Variants in IQCH observed in about 807,000 individuals in gnomAD.
IQCH encodes IQ motif containing H, also known as IQ domain-containing protein H.
In IQCH, 98 loss-of-function variants were observed where a neutral mutation model predicts 117.0. The observed-to-expected ratio is 0.84, with a 90% CI of 0.71 to 0.99. IQCH has a LOEUF of 0.99. Among genes scored for constraint, IQCH ranks in the 50% least tolerant of loss-of-function variants. IQCH has a pLI of 0.00. For missense variants in IQCH, 1,102 were observed against 1,243.8 expected (o/e 0.89, Z 1.72); for synonymous variants, 412 against 448.2 (o/e 0.92, Z 1.02).
chr15:67,411,621 ATGTGTGTC>A lies in IQCH; in HGVS notation c.2098-5306_2098-5299del, dbSNP rs55668496. 0.045 allele frequency among the ~76,000 whole-genome samples: 6,776 copies of A among 152,122 alleles called. 249 individuals carry two copies. Among genetic ancestry groups the A allele is most frequent in the South Asian group, 0.18 (842 of 4,806 alleles). On this transcript the variant is annotated intron_variant, in intron 14 of 20. Transcript: ENST00000335894. The surrounding 1 kb of genome is among the most constrained non-coding windows in gnomAD (Gnocchi z 4.4). The stretch of plus-strand genomic sequence containing the variant: ...ATTGGCACATGACCCAATTACACCA[ATGTGTGTC>A]TGTATGTGTGTATGTGTGTGTAATA...
At chr15:67,434,612 A>G (rs992895219) in intron 16 of IQCH, among the ~76,000 whole-genome samples, 1 of 152,078 alleles carries the variant, frequency 6.6e-6, no homozygotes, top group African/African-American at 2.4e-5. Context: ...TTGGCTACGC[A>G]CTCAGAAGTG....
At chr15:67,257,101 A>T (rs941354754) in intron 1 of IQCH, among the ~76,000 whole-genome samples, 1 of 152,212 alleles carries the variant, frequency 6.6e-6, no homozygotes, top group Non-Finnish European at 1.5e-5. Flanking sequence ...AGGGAGTCAG[A>T]ATACTGAGAT....
At chr15:67,402,337 G>A (rs1271745958) in intron 14 of IQCH, among the ~76,000 whole-genome samples, 1 of 152,302 alleles carries the variant, frequency 6.6e-6, no homozygotes, top group Non-Finnish European at 1.5e-5. Context: ...AAGTAGTTCT[G>A]AAAAGGTGCC....
In IQCH at chr15:67,427,617, C is replaced by T. The variant is rs543507579; in HGVS notation, c.2505+6040C>T. ...ATGAGGAGGTTAGCTTATTTTGCAT[C>T]TGAGGTAACCTACAGTTCAAAACAG... On this transcript the variant is annotated intron_variant, in intron 16 of 20. Coordinates refer to ENST00000335894, the MANE Select transcript of IQCH (RefSeq NM_001031715.3). The surrounding 1 kb of genome is among the most constrained non-coding windows in gnomAD (Gnocchi z 4.7). 5.9e-5 allele frequency among the ~76,000 whole-genome samples: 9 copies of T among 152,216 alleles called. 1 individual carries two copies. The South Asian group carries it at 1.9e-3, about 32-fold the overall frequency.
rs1195659785 is a variant in IQCH at position 67,387,468 on chromosome 15, TA to T, written c.1457-1362del. Among the ~76,000 whole-genome samples the T allele has an allele frequency of 1.3e-5, 2 of 152,100 alleles. No homozygotes were observed. Among genetic ancestry groups the T allele is most frequent in the East Asian group, 3.9e-4 (2 of 5,190 alleles). Reference sequence around the variant, plus strand: ...CCAGGGCTTAGGGGAATATAAGAAATAGTACAAACATTGCCTTTAAGGAGCT... The same window carrying T: ...CCAGGGCTTAGGGGAATATAAGAAATGTACAAACATTGCCTTTAAGGAGCT... On this transcript the variant is annotated intron_variant, in intron 11 of 20. Coordinates refer to ENST00000335894, the MANE Select transcript of IQCH (RefSeq NM_001031715.3). The surrounding 1 kb of genome is among the most constrained non-coding windows in gnomAD (Gnocchi z 4.8).
intron 4 of IQCH, among the ~76,000 whole-genome samples, chr15:67,316,068 G>A (rs956617605): frequency 2.0e-5 from 3 of 152,086 alleles, no homozygotes; most frequent in Non-Finnish European, 2.9e-5. Context: ...GCCCAGATAC[G>A]TCTAATGGTT....
Position 67,447,542 on chromosome 15 carries a change from T to G in IQCH, c.2506-17585T>G, listed in dbSNP as rs1177309111. Among the ~76,000 whole-genome samples the G allele has an allele frequency of 6.6e-6, 1 of 152,184 alleles. No homozygotes were observed. The highest frequency in any genetic ancestry group is 2.4e-5 in the African/African-American group (1 of 41,446). Reference sequence around the variant, plus strand: ...AATTAGTCAGGATGTATTGGATTACTGGGTTAACTTGATGGGGTTGAGGGA... The same window carrying G: ...AATTAGTCAGGATGTATTGGATTACGGGGTTAACTTGATGGGGTTGAGGGA... On this transcript the variant is annotated intron_variant, in intron 16 of 20. Transcript: ENST00000335894. The surrounding 1 kb of genome is among the most constrained non-coding windows in gnomAD (Gnocchi z 5.3).
intron 6 of IQCH, among the ~76,000 whole-genome samples, chr15:67,351,312 C>T (rs955333845): frequency 1.3e-4 from 19 of 151,880 alleles, no homozygotes; most frequent in African/African-American, 4.6e-4. Flanking sequence ...CATTGTTCAG[C>T]TCCCATTTAT....
In IQCH at chr15:67,366,890, T is replaced by C. The variant is rs1352378189; in HGVS notation, c.754-5221T>C. ...TAGAAAGAGTTTTCTATCTGAAAAA[T>C]AGAATACGAAAAAAATCCCCCAGGT... On this transcript the variant is annotated intron_variant, in intron 8 of 20. Transcript: ENST00000335894. The surrounding 1 kb of genome is among the most constrained non-coding windows in gnomAD (Gnocchi z 4.4). Among the ~76,000 whole-genome samples the C allele has an allele frequency of 2.0e-5, 3 of 152,106 alleles. No individual in the cohort carries two copies. Among genetic ancestry groups the C allele is most frequent in the Non-Finnish European group, 4.4e-5 (3 of 67,986 alleles).
rs1487736700 is a variant in IQCH, at chr15:67,393,811, C to G, written c.1633-1480C>G. Among the ~76,000 whole-genome samples the G allele has an allele frequency of 2.6e-5, 4 of 152,100 alleles. No individual in the cohort carries two copies. The highest frequency in any genetic ancestry group is 5.9e-5 in the Non-Finnish European group (4 of 68,008). On this transcript the variant is annotated intron_variant, in intron 12 of 20. Coordinates refer to ENST00000335894, the MANE Select transcript of IQCH (RefSeq NM_001031715.3). This position sits in a 1 kb window ranked among gnomAD's most constrained non-coding sequence, Gnocchi z 5.5. ...GGATTACAGGTATGAGCCACGGTGC[C>G]TAGCCTGACTTTATTTTTAAGAGGG...
chr15:67,258,531 C>CA (rs63140861), intron 1 of IQCH, among the ~76,000 whole-genome samples: 134,503 of 137,538 alleles, frequency 0.98, 65,769 homozygotes, highest in South Asian at 0.99. Flanking sequence ...GACTTCATCT[C>CA]AAAAAAAAAA....
At position 67,279,409 on chromosome 15, in the gene IQCH, T is replaced by C. The variant is rs773132185; in HGVS notation, c.284T>C (p.Val95Ala). ...TTCTTACTTAGGTTACTTCCAACTG[T>C]AATTGATCAGAAATCATTTATTTTC... The part of the protein sequence containing the change: ...PQASKWLLPT[V>A]IDQKSFIFPQ... Residue 95 changes from valine to alanine, a missense_variant, in exon 4 of 21, where the codon GTA becomes GCA. Transcript: ENST00000335894. The C allele has an allele frequency of 1.2e-5, 19 of 1,593,046 alleles. No individual in the cohort carries two copies. The highest frequency in any genetic ancestry group is 1.6e-5 in the Non-Finnish European group (19 of 1,163,156).
intron 1 of IQCH, among the ~76,000 whole-genome samples, chr15:67,258,750 T>A (rs1397304306): frequency 6.6e-6 from 1 of 152,200 alleles, no homozygotes; most frequent in Non-Finnish European, 1.5e-5. Context: ...AAAATAATAA[T>A]CTTTCTCCAA....
At chr15:67,290,416 C>T (rs866464789) in intron 4 of IQCH, among the ~76,000 whole-genome samples, 2 of 152,006 alleles carry the variant, frequency 1.3e-5, no homozygotes, top group Non-Finnish European at 2.9e-5. Context: ...ATTTTAAGCA[C>T]CTCTGGTACT....
chr15:67,298,464 A>G (rs1178553007), intron 4 of IQCH, among the ~76,000 whole-genome samples: 8 of 152,200 alleles, frequency 5.3e-5, no homozygotes, highest in South Asian at 4.1e-4. Context: ...AAAGACAGGC[A>G]ATAACAAATG....
chr15:67,330,741 CTG>C (rs1222409106), intron 4 of IQCH, among the ~76,000 whole-genome samples: 2 of 152,208 alleles, frequency 1.3e-5, no homozygotes, highest in Admixed American at 6.5e-5. Context: ...AATTGATAAA[CTG>C]TATGCTTTGG....
chr15:67,313,911 G>C (rs1317439370), intron 4 of IQCH, among the ~76,000 whole-genome samples: 1 of 152,112 alleles, frequency 6.6e-6, no homozygotes, highest in Non-Finnish European at 1.5e-5. Context: ...TAAAGCAATA[G>C]TACTTTTTTG....
intron 4 of IQCH, among the ~76,000 whole-genome samples, chr15:67,303,036 TCA>T (rs1477020692): frequency 2.0e-5 from 3 of 152,216 alleles, no homozygotes; most frequent in Non-Finnish European, 2.9e-5. Flanking sequence ...AATGCTTATG[TCA>T]AAGAAATAGA....
In IQCH at chr15:67,454,223, C is replaced by T. The variant is rs1412359422; in HGVS notation, c.2506-10904C>T. On this transcript the variant is annotated intron_variant, in intron 16 of 20. Transcript: ENST00000335894. This position sits in a 1 kb window ranked among gnomAD's most constrained non-coding sequence, Gnocchi z 5.2. ...CCTGCTTTGGCTCATGCATGGTGTG[C>T]TGCACCCACCATCCTGCGCCTACTG... 3.3e-5 allele frequency among the ~76,000 whole-genome samples: 5 copies of T among 152,184 alleles called. No individual in the cohort carries two copies. Among genetic ancestry groups the T allele is most frequent in the Admixed American group, 6.5e-5 (1 of 15,276 alleles).
Sources: gnomAD v4.1 joint callset for allele counts (sites outside exome capture counted in the v4.1 genomes callset) on GRCh38, gnomAD v4.1.1 for gene constraint, Gnocchi (gnomAD v3.1) non-coding constraint, MANE v1.5 for transcripts, NCBI Gene and HGNC (gene_info 2026-07-23, HGNC 2026-07-21) for gene names.